Variants in NHSL2 observed in about 807,000 individuals in gnomAD.
The protein encoded by NHSL2 is NHS-like protein 2.
A neutral mutation model predicts 53.4 loss-of-function variants in NHSL2; 27 were observed. The ratio of observed to expected loss-of-function variants is 0.51; its 90% CI spans 0.37 to 0.70. NHSL2 has a LOEUF of 0.70. Among genes scored for constraint, NHSL2 ranks in the 30% least tolerant of loss-of-function variants. The pLI is 0.00. For synonymous variants in NHSL2, 408 were observed against 404.1 expected, an observed-to-expected ratio of 1.01 and a Z score of -0.12; for missense variants, 892 against 980.1, an observed-to-expected ratio of 0.91 and a Z score of 1.20.
At chrX:72,120,070 C>T (rs1259225935) in intron 1 of NHSL2, among the ~76,000 whole-genome samples, 1 of 112,254 alleles carries the variant, frequency 8.9e-6, no homozygotes, top group Non-Finnish European at 1.9e-5. Context: ...ACTTGGTCAT[C>T]GTGTATGATC....
intron 1 of NHSL2, among the ~76,000 whole-genome samples, chrX:71,940,958 TA>T (rs1440306519): frequency 4.5e-5 from 5 of 111,788 alleles, no homozygotes; most frequent in African/African-American, 1.6e-4. Flanking sequence ...TGGATTGATT[TA>T]AACATCACTT....
At chrX:71,973,040 C>T (rs1392155273) in intron 1 of NHSL2, among the ~76,000 whole-genome samples, 1 of 111,916 alleles carries the variant, frequency 8.9e-6, no homozygotes, top group East Asian at 2.8e-4. Flanking sequence ...TTCAGACCTC[C>T]AAGGATGAGT....
intron 1 of NHSL2, among the ~76,000 whole-genome samples, chrX:71,957,300 T>C (rs1023542752): frequency 3.4e-4 from 38 of 112,279 alleles, no homozygotes; most frequent in African/African-American, 1.2e-3. Flanking sequence ...CATTATGGTG[T>C]GAGCACGTGC....
chrX:72,041,334 G>A (rs1340669171), intron 1 of NHSL2, among the ~76,000 whole-genome samples: 1 of 111,555 alleles, frequency 9.0e-6, no homozygotes, highest in Non-Finnish European at 1.9e-5. Context: ...GGATGTGTGC[G>A]GACCGTGGGA....
At chrX:72,130,936 C>CA (rs1330368906) in intron 1 of NHSL2, 7 of 1,210,144 alleles carry the variant, frequency 5.8e-6, no homozygotes, top group Admixed American at 2.2e-5. Context: ...CGAGATGGCC[C>CA]AGTCCTTGGC....
At chrX:72,130,950 G>A in intron 1 of NHSL2, 2 of 1,211,682 alleles carry the variant, frequency 1.7e-6, no homozygotes, top group Non-Finnish European at 2.2e-6. Flanking sequence ...CCTTGGCTTC[G>A]CCAGTGAAAA....
At chrX:71,980,560 GGTGTGTGGGGTGTGTGTGTGTGTGTGT>G (rs745902128) in intron 1 of NHSL2, among the ~76,000 whole-genome samples, 6 of 99,492 alleles carry the variant, frequency 6.0e-5, no homozygotes, top group East Asian at 3.5e-4. Context: ...GTGTGTGTGG[GGTGTGTGGGGTGTGTGTGTGTGTGTGT>G]GTGTGTGTGT....
intron 1 of NHSL2, among the ~76,000 whole-genome samples, chrX:72,101,026 A>G (rs1452159087): frequency 1.9e-5 from 2 of 106,001 alleles, no homozygotes; most frequent in Non-Finnish European, 3.9e-5. Flanking sequence ...CTCAAAACCC[A>G]ATGCCTGTTT....
At position 71,910,878 on chromosome X, in the gene NHSL2, C is replaced by G. The variant is rs1206552812; in HGVS notation, c.-210C>G. The stretch of plus-strand genomic sequence containing the variant: ...TGGTGGCTCCGGCGAGTGTGCAGCC[C>G]CGGGGGAGCCGGCGCTCTAGGCGAG... On this transcript the variant is annotated 5_prime_UTR_variant, in exon 1 of 8. Transcript: ENST00000633930. The G allele has an allele frequency of 2.4e-4, 56 of 234,292 alleles. No homozygotes were observed. The highest frequency in any genetic ancestry group is 4.2e-4 in the Non-Finnish European group (56 of 132,522). The allele number at this position is 234,292 out of a possible 1,213,427, so 19.3% of individuals were successfully genotyped here.
chrX:72,110,138 T>G (rs1047052026), intron 1 of NHSL2, among the ~76,000 whole-genome samples: 1 of 111,438 alleles, frequency 9.0e-6, no homozygotes, highest in Non-Finnish European at 1.9e-5. Context: ...TCCTTGCTGC[T>G]CAAAGTGAGG....
At chrX:72,034,865 C>G (rs1394142263) in intron 1 of NHSL2, among the ~76,000 whole-genome samples, 2 of 111,765 alleles carry the variant, frequency 1.8e-5, no homozygotes, top group Non-Finnish European at 3.8e-5. Flanking sequence ...TGAAAATGAA[C>G]TTTTGTTTCA....
At chrX:71,927,155 A>G (rs1402211739) in intron 1 of NHSL2, among the ~76,000 whole-genome samples, 1 of 112,372 alleles carries the variant, frequency 8.9e-6, no homozygotes, top group Non-Finnish European at 1.9e-5. Flanking sequence ...CTCACTAAGC[A>G]GTTTGTCCAC....
chrX:71,949,657 C>T (rs1173984236), intron 1 of NHSL2, among the ~76,000 whole-genome samples: 2 of 112,290 alleles, frequency 1.8e-5, no homozygotes. Flanking sequence ...ATTGCTGCCA[C>T]ACTCTGCATC....
intron 1 of NHSL2, among the ~76,000 whole-genome samples, chrX:71,952,531 A>G (rs751186483): frequency 2.7e-5 from 3 of 111,694 alleles, no homozygotes; most frequent in East Asian, 5.6e-4. Context: ...CCTCATAGAT[A>G]GCACCTTCTA....
intron 1 of NHSL2, among the ~76,000 whole-genome samples, chrX:72,031,734 T>C (rs1238470211): frequency 2.0e-5 from 2 of 102,235 alleles, no homozygotes; most frequent in Non-Finnish European, 4.0e-5. Context: ...AGACCTCGCT[T>C]GGAAAAAAAA....
chrX:72,137,333 G>C lies in NHSL2; in HGVS notation c.892+108G>C, dbSNP rs987801150. ...TGGGGAACAGGAATAATTGGGTGGAGGAGGGGGCCTCCGGATGTCCTGAAA... is the reference window on the plus strand; with the variant it reads ...TGGGGAACAGGAATAATTGGGTGGACGAGGGGGCCTCCGGATGTCCTGAAA... On this transcript the variant is annotated intron_variant, in intron 5 of 7. Transcript: ENST00000633930. 9.0e-5 allele frequency: 70 copies of C among 778,093 alleles called. 1 individual carries two copies. Among genetic ancestry groups the C allele is most frequent in the Non-Finnish European group, 1.2e-4 (64 of 552,438 alleles). 64.1% of individuals were successfully genotyped at this position (778,093 alleles called of 1,213,427 possible).
Position 71,910,932 on chromosome X carries a change from C to T in NHSL2, c.-156C>T. The stretch of plus-strand genomic sequence containing the variant: ...CCCGTCAGCCCGCCTACCCGCCCGT[C>T]GTCTTTGGCGCCCGCACGCTCTCCG... On this transcript the variant is annotated 5_prime_UTR_variant, in exon 1 of 8. Transcript: ENST00000633930. 1.2e-5 allele frequency: 4 copies of T among 331,334 alleles called. No homozygotes were observed. The Admixed American group carries it at 2.7e-4, about 22-fold the overall frequency. The allele number at this position is 331,334 out of a possible 1,213,427, so 27.3% of individuals were successfully genotyped here.
At chrX:72,141,628 G>A (rs1355405730) in intron 6 of NHSL2, among the ~76,000 whole-genome samples, 2 of 111,852 alleles carry the variant, frequency 1.8e-5, no homozygotes, top group African/African-American at 6.5e-5. Context: ...TCATATAAGT[G>A]GAATCATACA....
intron 1 of NHSL2, among the ~76,000 whole-genome samples, chrX:72,095,252 G>A (rs762211833): frequency 8.9e-6 from 1 of 112,584 alleles, no homozygotes; most frequent in East Asian, 2.8e-4. Context: ...GTAATTAAAC[G>A]AGCAAACAAG....
Sources: gnomAD v4.1 joint callset for allele counts (sites outside exome capture counted in the v4.1 genomes callset) on GRCh38, gnomAD v4.1.1 for gene constraint, MANE v1.5 for transcripts, NCBI Gene and HGNC (gene_info 2026-07-23, HGNC 2026-07-21) for gene names.